The following CYRIB variants were observed in gnomAD, a reference collection of about 807,000 sequenced individuals.
The protein encoded by CYRIB is CYFIP related Rac1 interactor B.
In CYRIB, 8 loss-of-function variants were observed where a neutral mutation model predicts 44.2. That is an observed-to-expected ratio of 0.18 (90% CI 0.11 to 0.33). The LOEUF is 0.33. Among genes scored for constraint, CYRIB ranks in the 10% least tolerant of loss-of-function variants. The pLI, the probability that CYRIB is intolerant of heterozygous loss-of-function variation, is 1.00. For synonymous variants in CYRIB, 131 were observed against 127.2 expected, an observed-to-expected ratio of 1.03 and a Z score of -0.20; for missense variants, 185 against 382.8, an observed-to-expected ratio of 0.48 and a Z score of 4.31.
At chr8:129,887,293 C>G (rs1282740759) in intron 2 of CYRIB, among the ~76,000 whole-genome samples, 1 of 152,208 alleles carries the variant, frequency 6.6e-6, no homozygotes, top group Non-Finnish European at 1.5e-5. Flanking sequence ...AGCCATAAGC[C>G]TTGGCAGCTT....
chr8:129,933,952 G>C (rs1453671708), intron 1 of CYRIB, among the ~76,000 whole-genome samples: 1 of 151,898 alleles, frequency 6.6e-6, no homozygotes, highest in East Asian at 1.9e-4. Context: ...GTACTTAAAA[G>C]ACTCACTTAA....
chr8:129,959,961 A>G (rs910121696), intron 2 of CYRIB, among the ~76,000 whole-genome samples: 1 of 152,230 alleles, frequency 6.6e-6, no homozygotes, highest in Middle Eastern at 3.2e-3. Flanking sequence ...CACAGACAGA[A>G]GTACAGAGCT....
At chr8:129,982,983 T>C (rs192770610) in intron 1 of CYRIB, among the ~76,000 whole-genome samples, 2 of 147,034 alleles carry the variant, frequency 1.4e-5, no homozygotes, top group African/African-American at 5.1e-5. Context: ...TTTTTTCATA[T>C]ACCAATTATA....
chr8:129,863,066 C>T (rs774145661), intron 4 of CYRIB, among the ~76,000 whole-genome samples: 1 of 151,966 alleles, frequency 6.6e-6, no homozygotes, highest in Non-Finnish European at 1.5e-5. Flanking sequence ...ATTTCTTTGT[C>T]AAAGAATTAT....
chr8:129,914,554 C>A (rs2079721178), intron 1 of CYRIB, among the ~76,000 whole-genome samples: 1 of 152,184 alleles, frequency 6.6e-6, no homozygotes, highest in South Asian at 2.1e-4. Flanking sequence ...TCACTCCACA[C>A]TGTACAACAG....
rs542703920 is a variant in CYRIB at position 129,985,810 on chromosome 8, T to C, written c.-295-14815A>G. On this transcript the variant is annotated intron_variant, in intron 1 of 14. Coordinates refer to the CYRIB transcript ENST00000401979. ...CAACAAATCAATGCAACATTCACTT[T>C]GCAAAAGGCCCACTGAAAAGCCCCT... 6.6e-5 allele frequency among the ~76,000 whole-genome samples: 10 copies of C among 152,266 alleles called. No individual in the cohort carries two copies. In the East Asian group the frequency reaches 1.5e-3, roughly 24 times the overall value.
upstream of CYRIB, among the ~76,000 whole-genome samples, chr8:129,941,766 C>T (rs1477917764): frequency 6.6e-6 from 1 of 152,156 alleles, no homozygotes; most frequent in East Asian, 1.9e-4. Context: ...TGAGTAACCA[C>T]ACACCTCTAA....
intron 7 of CYRIB, 137 bp downstream of exon 9, chr8:129,854,129 T>C (rs996345847): frequency 1.2e-5 from 8 of 695,286 alleles, no homozygotes; most frequent in Non-Finnish European, 2.0e-5. Flanking sequence ...CTTTTCCTCC[T>C]ACAGCTATGG....
chr8:129,861,172 T>G (rs1454082256), intron 5 of CYRIB, among the ~76,000 whole-genome samples: 1 of 152,220 alleles, frequency 6.6e-6, no homozygotes, highest in African/African-American at 2.4e-5. Flanking sequence ...ACATCTATAC[T>G]ATTCCTCTCC....
intron 1 of CYRIB, among the ~76,000 whole-genome samples, chr8:129,992,419 C>G (rs1173756625): frequency 6.6e-6 from 1 of 152,216 alleles, no homozygotes; most frequent in Admixed American, 6.5e-5. Flanking sequence ...AGAAATGACC[C>G]TACTGCCACC....
At chr8:129,942,561 T>G (rs1242712872), upstream of CYRIB, among the ~76,000 whole-genome samples, 1 of 152,214 alleles carries the variant, frequency 6.6e-6, no homozygotes, top group Non-Finnish European at 1.5e-5. Flanking sequence ...CTATAATCCT[T>G]TCTTCATCAT....
intron 1 of CYRIB, among the ~76,000 whole-genome samples, chr8:129,915,995 C>T (rs944456084): frequency 6.6e-6 from 1 of 152,074 alleles, no homozygotes; most frequent in African/African-American, 2.4e-5. Flanking sequence ...CCCATAGAGA[C>T]AAAAGTTTTA....
chr8:129,925,120 G>A (rs539545884), intron 1 of CYRIB, among the ~76,000 whole-genome samples: 1 of 152,094 alleles, frequency 6.6e-6, no homozygotes, highest in Non-Finnish European at 1.5e-5. Flanking sequence ...TGTTTAGGCC[G>A]GGAGCGATGG....
rs181552032 is a variant in CYRIB, at chr8:130,012,544, T to A, written c.-296+3826A>T. ...CATTGCTGAGCACCTCTAGGTGCCA[T>A]GCTCTCTGCTGGGCACTTTCCATAC... On this transcript the variant is annotated intron_variant, in intron 1 of 14. Transcript: ENST00000401979. 3.9e-3 allele frequency among the ~76,000 whole-genome samples: 591 copies of A among 152,248 alleles called. 5 individuals carry two copies. Among genetic ancestry groups the A allele is most frequent in the African/African-American group, 0.014 (574 of 41,532 alleles).
At chr8:129,932,093 G>GGTTCAAGCGAT (rs2091649511) in intron 1 of CYRIB, among the ~76,000 whole-genome samples, 1 of 150,102 alleles carries the variant, frequency 6.7e-6, no homozygotes, top group Non-Finnish European at 1.5e-5. Flanking sequence ...CCACCTCCCA[G>GGTTCAAGCGAT]GTTCAAGCGA....
At chr8:129,888,619 C>T (rs2063744821) in intron 2 of CYRIB, among the ~76,000 whole-genome samples, 1 of 152,276 alleles carries the variant, frequency 6.6e-6, no homozygotes. Context: ...CTCTCTATCC[C>T]CTTCCCAAAC....
chr8:129,851,972 C>A, intron 8 of CYRIB, 190 bp downstream of exon 10: 1 of 393,998 alleles, frequency 2.5e-6, no homozygotes, highest in Non-Finnish European at 4.5e-6. Flanking sequence ...TTCCACCATC[C>A]CTCCAGAGAA....
At chr8:129,915,649 TTAAC>T (rs1292259312) in intron 1 of CYRIB, among the ~76,000 whole-genome samples, 2 of 152,146 alleles carry the variant, frequency 1.3e-5, no homozygotes, top group East Asian at 1.9e-4. Flanking sequence ...TCATAGGTGA[TTAAC>T]TATGTTGAAG....
At chr8:129,887,566 C>T (rs1484914986) in intron 2 of CYRIB, among the ~76,000 whole-genome samples, 1 of 152,204 alleles carries the variant, frequency 6.6e-6, no homozygotes, top group Non-Finnish European at 1.5e-5. Flanking sequence ...GATCCACCAA[C>T]AGCTTGCACC....
Sources: allele counts gnomAD v4.1 joint callset (sites outside exome capture counted in the v4.1 genomes callset), GRCh38; gene constraint gnomAD v4.1.1; transcripts MANE v1.5; gene names NCBI Gene and HGNC (gene_info 2026-07-23, HGNC 2026-07-21).